The following ATP11B variants were observed in gnomAD, a reference collection of about 807,000 sequenced individuals.
ATP11B encodes ATPase phospholipid transporting 11B (putative), also known as phospholipid-transporting ATPase IF.
A neutral mutation model predicts 157.8 loss-of-function variants in ATP11B; 81 were observed. That is an observed-to-expected ratio of 0.51 (90% CI 0.43 to 0.62). ATP11B has a LOEUF of 0.62. ATP11B is among the 20% of genes least tolerant of loss of function. ATP11B has a pLI of 0.00. For missense variants in ATP11B, 1,165 were observed against 1,402.2 expected, an observed-to-expected ratio of 0.83 and a Z score of 2.70; for synonymous variants, 451 against 469.4, an observed-to-expected ratio of 0.96 and a Z score of 0.51.
intron 21 of ATP11B, among the ~76,000 whole-genome samples, chr3:182,884,392 A>C (rs1290564604): frequency 1.3e-5 from 2 of 152,170 alleles, no homozygotes; most frequent in African/African-American, 4.8e-5. Context: ...AAAATAGTGA[A>C]GTTAAGTATT....
intron 10 of ATP11B, 58 bp from the exon 11 acceptor site, chr3:182,857,820 C>A (rs1720527738): frequency 9.0e-7 from 1 of 1,106,376 alleles, no homozygotes; most frequent in Non-Finnish European, 1.3e-6. Context: ...AATTTTCAAG[C>A]AAATGAATAT....
intron 10 of ATP11B, among the ~76,000 whole-genome samples, chr3:182,852,296 A>G (rs1720039942): frequency 6.6e-6 from 1 of 152,234 alleles, no homozygotes; most frequent in Non-Finnish European, 1.5e-5. Context: ...TTCTAGCTAT[A>G]AAGTTGACAA....
chr3:182,918,244 GCAAA>G lies in ATP11B; in HGVS notation c.*147_*150del. The G allele has an allele frequency of 9.8e-6, 12 of 1,230,110 alleles. No individual in the cohort carries two copies. The highest frequency in any genetic ancestry group is 3.1e-5 in the African/African-American group (2 of 65,476). 76.2% of individuals were successfully genotyped at this position (1,230,110 alleles called of 1,614,324 possible). A position where few individuals can be genotyped will look rare whatever the true frequency, so the allele number is the denominator to read the frequency against. Reference sequence around the variant, plus strand: ...TTCATACCCACTCAGAGTTATAATGGCAAACAAACAGAAAGCATTAGTACAAGCC... The same window carrying G: ...TTCATACCCACTCAGAGTTATAATGGCAAACAGAAAGCATTAGTACAAGCC... On this transcript the variant is annotated 3_prime_UTR_variant, in exon 30 of 30. Coordinates refer to ENST00000323116, the MANE Select transcript of ATP11B (RefSeq NM_014616.3).
chr3:182,904,986 C>G (rs1724241396), intron 28 of ATP11B, among the ~76,000 whole-genome samples: 1 of 150,790 alleles, frequency 6.6e-6, no homozygotes, highest in Non-Finnish European at 1.5e-5. Context: ...CTTTTCCCCT[C>G]TTCCCCTGTG....
chr3:182,860,173 A>G (rs1403260577), intron 12 of ATP11B, among the ~76,000 whole-genome samples: 1 of 152,178 alleles, frequency 6.6e-6, no homozygotes, highest in Non-Finnish European at 1.5e-5. Context: ...TACATCTTCT[A>G]ATAACTTCCT....
intron 7 of ATP11B, among the ~76,000 whole-genome samples, chr3:182,841,770 A>G (rs1427943080): frequency 4.0e-5 from 6 of 151,860 alleles, no homozygotes; most frequent in African/African-American, 1.5e-4. Flanking sequence ...TGAGGTCAGG[A>G]GATCGAGACC....
intron 28 of ATP11B, among the ~76,000 whole-genome samples, chr3:182,910,955 C>T (rs182844952): frequency 3.6e-4 from 54 of 152,052 alleles, no homozygotes; most frequent in Non-Finnish European, 6.3e-4. Context: ...TAAAATAAGC[C>T]CCAATTTTTA....
At chr3:182,886,849 T>A (rs1409534835) in intron 23 of ATP11B, among the ~76,000 whole-genome samples, 1 of 152,174 alleles carries the variant, frequency 6.6e-6, no homozygotes, top group Non-Finnish European at 1.5e-5. Context: ...TTTATCCTGT[T>A]TACAACCTGT....
At chr3:182,850,545 T>C (rs1490414892) in intron 10 of ATP11B, among the ~76,000 whole-genome samples, 1 of 152,136 alleles carries the variant, frequency 6.6e-6, no homozygotes, top group Non-Finnish European at 1.5e-5. Context: ...CCAGAATGGC[T>C]ATTATTAAAA....
Position 182,879,571 on chromosome 3 carries a change from T to A in ATP11B, c.2328T>A (p.His776Gln). 6.2e-7 allele frequency: 1 copy of A among 1,614,166 alleles called. No homozygotes were observed. Among genetic ancestry groups the A allele is most frequent in the East Asian group, 2.2e-5 (1 of 44,878 alleles). Residue 776 changes from histidine (H) to glutamine (Q), a missense_variant, in exon 20 of 30, where the codon CAT becomes CAA. Coordinates refer to ENST00000323116, the MANE Select transcript of ATP11B (RefSeq NM_014616.3). ...GTSLSLALRE[H>Q]EKLFMEVCRN... ...GCCTATCTCTTGCACTCAGGGAGCA[T>A]GAAAAACTATTTATGGAAGTTTGCA...
At chr3:182,871,667 C>T (rs1721663826) in intron 17 of ATP11B, among the ~76,000 whole-genome samples, 1 of 152,148 alleles carries the variant, frequency 6.6e-6, no homozygotes, top group African/African-American at 2.4e-5. Context: ...GTAGAACCTG[C>T]AGCTGTCTCT....
chr3:182,812,405 T>A (rs1716725569), intron 1 of ATP11B, among the ~76,000 whole-genome samples: 2 of 152,198 alleles, frequency 1.3e-5, no homozygotes, highest in Admixed American at 1.3e-4. Flanking sequence ...GCCATAAAAT[T>A]TACTAGTTTC....
intron 28 of ATP11B, among the ~76,000 whole-genome samples, chr3:182,907,072 G>A (rs1181388767): frequency 1.4e-5 from 2 of 148,082 alleles, no homozygotes; most frequent in South Asian, 2.1e-4. Flanking sequence ...CAGCCTGAGC[G>A]ACAGAGTGAG....
At chr3:182,917,233 A>G (rs1725200580) in intron 29 of ATP11B, 1 of 985,254 alleles carries the variant, frequency 1.0e-6, no homozygotes, top group Non-Finnish European at 1.2e-6. Context: ...TTATTGTTAA[A>G]TGTGTTTAGT....
chr3:182,795,335 A>G (rs1560048415), intron 1 of ATP11B, among the ~76,000 whole-genome samples: 1 of 152,230 alleles, frequency 6.6e-6, no homozygotes, highest in Non-Finnish European at 1.5e-5. Context: ...TAGGAAGATC[A>G]TTTTAAAGTG....
chr3:182,910,071 CAG>C lies in ATP11B; in HGVS notation c.3319-3788_3319-3787del, dbSNP rs1491382227. Among the ~76,000 whole-genome samples the C allele has an allele frequency of 2.6e-4, 19 of 72,294 alleles. 1 individual carries two copies. The highest frequency in any genetic ancestry group is 1.1e-3 in the African/African-American group (18 of 16,454). The allele number at this position is 72,294 out of a possible 152,430, so 47.4% of individuals were successfully genotyped here. On this transcript the variant is annotated intron_variant, in intron 28 of 29. Coordinates refer to ENST00000323116, the MANE Select transcript of ATP11B (RefSeq NM_014616.3). ...GGGCAACAGAGTGAGACTCGGCCTC[CAG>C]AAAAAAAAAAAAAAAAAAAAAAGCA...
intron 28 of ATP11B, among the ~76,000 whole-genome samples, chr3:182,913,134 A>T (rs1724908288): frequency 6.6e-6 from 1 of 152,204 alleles, no homozygotes; most frequent in African/African-American, 2.4e-5. Context: ...TCTTGATAGT[A>T]CTACTTATTC....
At chr3:182,816,963 G>A (rs531292387) in intron 1 of ATP11B, among the ~76,000 whole-genome samples, 55 of 152,132 alleles carry the variant, frequency 3.6e-4, no homozygotes, top group Middle Eastern at 3.4e-3. Context: ...TTTAATTTCC[G>A]TAAGGGACAT....
intron 1 of ATP11B, among the ~76,000 whole-genome samples, chr3:182,795,742 A>T (rs912214128): frequency 4.6e-5 from 7 of 152,220 alleles, no homozygotes; most frequent in Non-Finnish European, 7.3e-5. Context: ...AGGACCCTGG[A>T]TACAGAGTAA....
Sources: gnomAD v4.1 joint callset for allele counts (sites outside exome capture counted in the v4.1 genomes callset) on GRCh38, gnomAD v4.1.1 for gene constraint, MANE v1.5 for transcripts, NCBI Gene and HGNC (gene_info 2026-07-23, HGNC 2026-07-21) for gene names.